Variants in GLIPR1 observed in about 807,000 individuals in gnomAD.
GLIPR1 encodes glioma pathogenesis-related protein 1.
GLIPR1 carries 38 observed loss-of-function variants against 30.3 expected under a neutral mutation model. The ratio of observed to expected loss-of-function variants is 1.26; its 90% confidence interval spans 0.97 to 1.65. The LOEUF (loss-of-function observed/expected upper bound fraction) is 1.65, where lower values mean the gene tolerates loss of function less well. GLIPR1 is among the 40% of genes most tolerant of loss of function. GLIPR1 has a pLI of 0.00. For missense variants in GLIPR1, 285 were observed against 326.5 expected, an observed-to-expected ratio of 0.87 and a Z score of 0.98; for synonymous variants, 122 against 110.6, an observed-to-expected ratio of 1.10 and a Z score of -0.65.
At chr12:75,489,028 A>G (rs1468119889) in intron 2 of GLIPR1, among the ~76,000 whole-genome samples, 4 of 152,254 alleles carry the variant, frequency 2.6e-5, no homozygotes, top group African/African-American at 9.6e-5. Flanking sequence ...TGCTGTAAAA[A>G]TGAGTGCATT....
intron 3 of GLIPR1, chr12:75,492,864 C>CTATA (rs1454921951): frequency 3.3e-5 from 5 of 152,082 alleles, no homozygotes; most frequent in African/African-American, 1.2e-4. Flanking sequence ...AATTAAGGAA[C>CTATA]TATAAATAAT....
Position 75,481,145 on chromosome 12 carries a change from G to T in GLIPR1, c.174+91G>T, listed in dbSNP as rs994363704. ...TGTTAATACCTTCGTAATACTGAATGATTTTTTTTTCATTGTGATTAATGT... is the reference window on the plus strand; with the variant it reads ...TGTTAATACCTTCGTAATACTGAATTATTTTTTTTTCATTGTGATTAATGT... On this transcript the variant is annotated intron_variant, in intron 1 of 5. Transcript: ENST00000266659. 4.5e-6 allele frequency: 4 copies of T among 897,150 alleles called. No individual in the cohort carries two copies. In the African/African-American group the frequency reaches 5.1e-5, roughly 11 times the overall value. The allele number at this position is 897,150 out of a possible 1,614,324, so 55.6% of individuals were successfully genotyped here. A position where few individuals can be genotyped will look rare whatever the true frequency, so the allele number is the denominator to read the frequency against.
chr12:75,498,609 A>ATTATAAGACTT, intron 4 of GLIPR1, 85 bp from the exon 5 acceptor site: 1 of 1,095,368 alleles, frequency 9.1e-7, no homozygotes, highest in Non-Finnish European at 1.4e-6. Context: ...AATGGTCATA[A>ATTATAAGACTT]TTATAAGACT....
rs1452026554 is a variant in GLIPR1 at position 75,498,703 on chromosome 12, A to AGC, written c.631_632dup (p.Asp212GlufsTer33). On this transcript the variant is annotated frameshift_variant, in exon 5 of 6. Coordinates refer to ENST00000266659, the MANE Select transcript of GLIPR1 (RefSeq NM_006851.3). LOFTEE classifies it low-confidence loss of function (END_TRUNC). ...CCCCCTAACTTTACAGTTAACCGAC[A>AGC]GCGAGACCAAGTCAAACGTACGTAC... The AGC allele has an allele frequency of 2.5e-6, 4 of 1,612,830 alleles. No homozygotes were observed. In the South Asian group the frequency reaches 4.4e-5, roughly 18 times the overall value.
chr12:75,492,088 CT>C (rs34425658), intron 3 of GLIPR1: 160 of 140,556 alleles, frequency 1.1e-3, no homozygotes, highest in East Asian at 1.2e-3. Flanking sequence ...CTTTTCATGA[CT>C]TTTTTTTTTT....
intron 3 of GLIPR1, chr12:75,491,420 T>C (rs2046323280): frequency 6.6e-6 from 1 of 152,220 alleles, no homozygotes; most frequent in African/African-American, 2.4e-5. Flanking sequence ...CACCATCCTG[T>C]TGAAGAATTT....
chr12:75,488,239 C>T (rs181136441), intron 2 of GLIPR1, among the ~76,000 whole-genome samples: 136 of 152,232 alleles, frequency 8.9e-4, no homozygotes, highest in Admixed American at 2.8e-3. Flanking sequence ...AGCCCCTATT[C>T]GAGACGGAGT....
In GLIPR1 at chr12:75,500,311, A is replaced by G. The variant is rs576839394; in HGVS notation, c.*1333A>G. ...ACCTACATTCTTTTCCATATTTTGG[A>G]ACTTCTGAGTCATTATTTTCCATCT... On this transcript the variant is annotated 3_prime_UTR_variant, in exon 6 of 6. Transcript: ENST00000266659. The G allele has an allele frequency of 2.6e-4, 40 of 155,518 alleles. No homozygotes were observed. Among genetic ancestry groups the G allele is most frequent in the Non-Finnish European group, 2.8e-5 (2 of 70,484 alleles). The allele number at this position is 155,518 out of a possible 1,614,324, so 9.6% of individuals were successfully genotyped here.
At chr12:75,493,255 G>A (rs2046333316) in intron 3 of GLIPR1, 1 of 152,188 alleles carries the variant, frequency 6.6e-6, no homozygotes, top group Non-Finnish European at 1.5e-5. Context: ...AGCATAAAAG[G>A]TAAAACAGAG....
At position 75,481,040 on chromosome 12, in the gene GLIPR1, G is replaced by A; in HGVS notation, c.160G>A (p.Asp54Asn). ...ATCAGAGGTGAAACCAACAGCCAGTGATATGCTATACATGGTAAGGAAAAT... is the reference window on the plus strand; with the variant it reads ...ATCAGAGGTGAAACCAACAGCCAGTAATATGCTATACATGGTAAGGAAAAT... ...FRSEVKPTAS[D>N]MLYMTWDPAL... Residue 54 changes from aspartate to asparagine, a missense_variant, in exon 1 of 6, where the codon GAT becomes AAT. Transcript: ENST00000266659. 2 of 1,612,650 alleles carry A rather than the reference G, an allele frequency of 1.2e-6. No individual in the cohort carries two copies. Among genetic ancestry groups the A allele is most frequent in the Non-Finnish European group, 1.7e-6 (2 of 1,178,856 alleles).
At position 75,480,820 on chromosome 12, in the gene GLIPR1, A is replaced by T; in HGVS notation, c.-61A>T. 7.4e-7 allele frequency: 1 copy of T among 1,347,606 alleles called. No individual in the cohort carries two copies. Among genetic ancestry groups the T allele is most frequent in the Non-Finnish European group, 1.0e-6 (1 of 968,106 alleles). 83.5% of individuals were successfully genotyped at this position (1,347,606 alleles called of 1,614,324 possible). Reference sequence around the variant, plus strand: ...GTGGGCTGAGCACTCAGGCAATCACACTCTCAGAAACTGCGGCGGCTCTGG... The same window carrying T: ...GTGGGCTGAGCACTCAGGCAATCACTCTCTCAGAAACTGCGGCGGCTCTGG... On this transcript the variant is annotated 5_prime_UTR_variant, in exon 1 of 6. Transcript: ENST00000266659.
chr12:75,482,149 T>A, intron 2 of GLIPR1, 70 bp downstream of exon 2: 1 of 1,345,356 alleles, frequency 7.4e-7, no homozygotes, highest in South Asian at 1.3e-5. Context: ...TACTATGAAG[T>A]TAAGAAAATG....
intron 2 of GLIPR1, among the ~76,000 whole-genome samples, chr12:75,487,502 TG>T (rs2046299005): frequency 6.6e-6 from 1 of 152,226 alleles, no homozygotes; most frequent in Admixed American, 6.5e-5. Flanking sequence ...AGGGGGTTCC[TG>T]GGGATAAAGA....
Position 75,498,819 on chromosome 12 carries a change from C to CACAGGTTACTACTCTGTTGTATATCCA in GLIPR1, c.647-4_669dup, listed in dbSNP as rs2046369121. ...CTAAGAGGATATTCTATGTTTGTTTCACAGGTTACTACTCTGTTGTATATC... is the reference window on the plus strand; with the variant it reads ...CTAAGAGGATATTCTATGTTTGTTTCACAGGTTACTACTCTGTTGTATATCCAACAGGTTACTACTCTGTTGTATATC... On this transcript the variant is annotated splice_region_variant and splice_polypyrimidine_tract_variant and intron_variant, in intron 5 of 5. Coordinates refer to ENST00000266659, the MANE Select transcript of GLIPR1 (RefSeq NM_006851.3). 2.5e-6 allele frequency: 4 copies of CACAGGTTACTACTCTGTTGTATATCCA among 1,611,716 alleles called. No individual in the cohort carries two copies. The Admixed American group carries it at 5.0e-5, about 20-fold the overall frequency.
rs140872473 is a variant in GLIPR1, at chr12:75,498,866, G to C, written c.689G>C (p.Arg230Pro). Residue 230 changes from arginine (R) to proline (P), a missense_variant, in exon 6 of 6, where the codon CGT (arginine) becomes CCT (proline). Transcript: ENST00000266659. ...VVYPGWPIYP[R>P]NRYTSLFLIV... is the part of the protein sequence containing the mutation. ...TATCCAGGCTGGCCCATATATCCAC[G>C]TAACAGATACACTTCTCTCTTTCTC... 5.6e-6 allele frequency: 9 copies of C among 1,610,902 alleles called. No individual in the cohort carries two copies. Among genetic ancestry groups the C allele is most frequent in the Non-Finnish European group, 2.5e-6 (3 of 1,177,660 alleles).
At chr12:75,487,372 A>C (rs2046298130) in intron 2 of GLIPR1, among the ~76,000 whole-genome samples, 1 of 152,256 alleles carries the variant, frequency 6.6e-6, no homozygotes, top group African/African-American at 2.4e-5. Flanking sequence ...AACAAAACTG[A>C]TTAGAAAGTA....
In GLIPR1 at chr12:75,482,016, C is replaced by T. The variant is rs147256009; in HGVS notation, c.357C>T (p.Asp119=). ...SVSSAITNWY[D]EIQDYDFKTR... ...CTTCCGCCATCACAAACTGGTATGA[C>T]GAAATCCAGGACTATGACTTCAAGA... Residue 119 remains aspartate, a synonymous_variant, in exon 2 of 6, where the codon GAC becomes GAT. Coordinates refer to ENST00000266659, the MANE Select transcript of GLIPR1 (RefSeq NM_006851.3). 67 of 1,613,836 alleles carry T rather than the reference C, an allele frequency of 4.2e-5. No homozygotes were observed. The African/African-American group carries it at 5.5e-4, about 13-fold the overall frequency.
chr12:75,481,357 CTTTTTTTTTT>C (rs72137011), intron 1 of GLIPR1: 129 of 145,728 alleles, frequency 8.9e-4, no homozygotes, highest in Middle Eastern at 8.4e-3. Flanking sequence ...ATTTGGTTTT[CTTTTTTTTTT>C]TTTTTTTTTG....
intron 2 of GLIPR1, among the ~76,000 whole-genome samples, chr12:75,485,697 C>T (rs1209573470): frequency 1.3e-5 from 2 of 151,064 alleles, no homozygotes; most frequent in South Asian, 2.1e-4. Flanking sequence ...ACTACAGGCG[C>T]CCGCCACTAC....
Sources: gnomAD v4.1 joint callset for allele counts (sites outside exome capture counted in the v4.1 genomes callset) on GRCh38, gnomAD v4.1.1 for gene constraint, MANE v1.5 for transcripts, NCBI Gene and HGNC (gene_info 2026-07-23, HGNC 2026-07-21) for gene names.